Variants in SAMD9 observed in about 807,000 individuals in gnomAD.
SAMD9 encodes the protein sterile alpha motif domain-containing protein 9.
SAMD9 carries 3 observed loss-of-function variants against 1.5 expected under a neutral mutation model. The observed-to-expected ratio is 2.05, with a 90% CI of 0.93 to 5.29. The LOEUF (loss-of-function observed/expected upper bound fraction) is 5.29. SAMD9 is among the 30% of genes most tolerant of loss of function. The pLI is 0.02. For missense variants in SAMD9, 1,597 were observed against 1,820.8 expected, an observed-to-expected ratio of 0.88 and a Z score of 2.24; for synonymous variants, 635 against 631.9, an observed-to-expected ratio of 1.00 and a Z score of -0.07.
chr7:93,105,719 C>T lies in SAMD9; in HGVS notation c.379G>A (p.Ala127Thr). Residue 127 changes from alanine to threonine, a missense_variant, in exon 3 of 3, where the codon GCA becomes ACA. By Grantham distance (58) the Ala-to-Thr change is moderately conservative. Coordinates refer to ENST00000379958, the MANE Select transcript of SAMD9 (RefSeq NM_017654.4). ...GAACCTTTAGCAGTTGTACTCATTG[C>T]AGACGGATTAGCCATATCTGGGTTC... Reference protein sequence around the residue: ...KENPDMANPSAMSTTAKGSKS... With the variant: ...KENPDMANPSTMSTTAKGSKS... 6.2e-7 allele frequency: 1 copy of T among 1,614,090 alleles called. No homozygotes were observed. Among genetic ancestry groups the T allele is most frequent in the Non-Finnish European group, 8.5e-7 (1 of 1,179,992 alleles).
At chr7:93,114,096 A>G (rs1286029092) in intron 2 of SAMD9, among the ~76,000 whole-genome samples, 1 of 152,162 alleles carries the variant, frequency 6.6e-6, no homozygotes, top group Non-Finnish European at 1.5e-5. Flanking sequence ...TGGCACATAT[A>G]CACCATGGAA....
chr7:93,116,071 C>A (rs966450994), intron 1 of SAMD9, among the ~76,000 whole-genome samples: 4 of 152,066 alleles, frequency 2.6e-5, no homozygotes, highest in African/African-American at 9.7e-5. Context: ...TGCTAGCGTG[C>A]GCTGGCTCCT....
intron 2 of SAMD9, among the ~76,000 whole-genome samples, chr7:93,111,146 A>T (rs1242155640): frequency 6.6e-6 from 1 of 152,162 alleles, no homozygotes; most frequent in Non-Finnish European, 1.5e-5. Flanking sequence ...CTCAGGATTA[A>T]GAAACTCACT....
intron 1 of SAMD9, among the ~76,000 whole-genome samples, chr7:93,117,237 T>C (rs893393145): frequency 6.6e-6 from 1 of 151,032 alleles, no homozygotes; most frequent in Non-Finnish European, 1.5e-5. Flanking sequence ...TTTCATTGCC[T>C]GTTCTTTATC....
Position 93,102,582 on chromosome 7 carries a change from A to T in SAMD9, c.3516T>A (p.Asp1172Glu), listed in dbSNP as rs767945606. Residue 1172 changes from aspartate (D) to glutamate (E), a missense_variant, in exon 3 of 3, where the codon GAT (aspartate) becomes GAA (glutamate). This residue lies in a region of SAMD9 where 682 missense variants were observed against 810.0 expected (regional missense o/e 0.84). Transcript: ENST00000379958. ...AFKESQQQSE[D>E]REYEVKERLY... ...ATCTTTCCTTCACTTCATACTCTCT[A>T]TCTTCACTTTGCTGTTGAGATTCTT... 9.9e-6 allele frequency: 16 copies of T among 1,613,628 alleles called. No homozygotes were observed. Among genetic ancestry groups the T allele is most frequent in the African/African-American group, 1.3e-5 (1 of 74,884 alleles).
chr7:93,117,477 G>T (rs544152106), intron 1 of SAMD9, among the ~76,000 whole-genome samples: 1 of 152,054 alleles, frequency 6.6e-6, no homozygotes, highest in East Asian at 1.9e-4. Flanking sequence ...GCTAGGTAGG[G>T]TCTTGCTATG....
Position 93,102,906 on chromosome 7 carries a change from A to T in SAMD9, c.3192T>A (p.Asn1064Lys), listed in dbSNP as rs373641119. Residue 1064 changes from asparagine (N) to lysine (K), a missense_variant, in exon 3 of 3, where the codon AAT (asparagine) becomes AAA (lysine). Asn to Lys is a moderately conservative substitution (Grantham distance 94, BLOSUM62 0). Around this residue, in one of 6 missense-constraint regions of SAMD9, gnomAD observed 682 missense variants for 810.0 expected, o/e 0.84. Coordinates refer to ENST00000379958, the MANE Select transcript of SAMD9 (RefSeq NM_017654.4). ...CAAGCAATACAGCTTCAACTGCTTC[A>T]TTTCCTTCATCTTTATGTAATGCTT... The part of the protein sequence containing the change: ...FIEALHKDEG[N>K]EAVEAVLLES... 1 of 1,613,856 alleles carries T rather than the reference A, an allele frequency of 6.2e-7. No individual in the cohort carries two copies. Among genetic ancestry groups the T allele is most frequent in the Admixed American group, 1.7e-5 (1 of 59,976 alleles).
At position 93,103,044 on chromosome 7, in the gene SAMD9, G is replaced by A. The variant is rs1791564485; in HGVS notation, c.3054C>T (p.Phe1018=). Residue 1018 remains phenylalanine (F), a synonymous_variant, in exon 3 of 3, where the codon TTC becomes TTT. Transcript: ENST00000379958. ...MLDMLTENLF[F]DTGMGKSKFL... is the part of the protein sequence containing the mutation. ...ATTTACTTTTTCCCATACCAGTATC[G>A]AAGAACAAATTCTCAGTTAGCATAT... is the stretch of plus-strand genomic sequence containing the variant. 2.5e-6 allele frequency: 4 copies of A among 1,613,764 alleles called. No homozygotes were observed. The highest frequency in any genetic ancestry group is 1.1e-5 in the South Asian group (1 of 91,078).
At chr7:93,109,915 T>G (rs935509482) in intron 2 of SAMD9, among the ~76,000 whole-genome samples, 28 of 152,164 alleles carry the variant, frequency 1.8e-4, no homozygotes, top group Non-Finnish European at 4.4e-5. Flanking sequence ...TTCCCCAACC[T>G]AGCAAGGGAG....
Position 93,117,904 on chromosome 7 carries a change from A to C in SAMD9, c.-151T>G, listed in dbSNP as rs2116445713. 1 of 152,312 alleles carries C rather than the reference A, an allele frequency of 6.6e-6. No individual in the cohort carries two copies. Among genetic ancestry groups the C allele is most frequent in the East Asian group, 1.9e-4 (1 of 5,188 alleles). The allele number at this position is 152,312 out of a possible 1,614,324, so 9.4% of individuals were successfully genotyped here. A position where few individuals can be genotyped will look rare whatever the true frequency, so the allele number is the denominator to read the frequency against. On this transcript the variant is annotated 5_prime_UTR_variant, in exon 1 of 3. Coordinates refer to ENST00000379958, the MANE Select transcript of SAMD9 (RefSeq NM_017654.4). Reference sequence around the variant, plus strand: ...TTTCTTTTACATATATGTGGGGAAAACCATCTCTTTTAGTGCTGAAAATAT... The same window carrying C: ...TTTCTTTTACATATATGTGGGGAAACCCATCTCTTTTAGTGCTGAAAATAT...
At position 93,104,990 on chromosome 7, in the gene SAMD9, C is replaced by A; in HGVS notation, c.1108G>T (p.Ala370Ser). 1 of 1,613,376 alleles carries A rather than the reference C, an allele frequency of 6.2e-7. No individual in the cohort carries two copies. The highest frequency in any genetic ancestry group is 8.5e-7 in the Non-Finnish European group (1 of 1,179,886). Residue 370 changes from alanine to serine, a missense_variant, in exon 3 of 3, where the codon GCA becomes TCA. Coordinates refer to ENST00000379958, the MANE Select transcript of SAMD9 (RefSeq NM_017654.4). ...RAFKADFKTLAESRKAAEEKF... is the reference protein window; with the variant it reads ...RAFKADFKTLSESRKAAEEKF... Reference sequence around the variant, plus strand: ...TCTTCTGCTGCTTTTCTGGACTCTGCCAGTGTTTTAAAATCTGCTTTAAAT... The same window carrying A: ...TCTTCTGCTGCTTTTCTGGACTCTGACAGTGTTTTAAAATCTGCTTTAAAT...
At chr7:93,106,160 C>T (rs1791641735) in intron 2 of SAMD9, 55 bp from the exon 3 acceptor site, 7 of 1,204,958 alleles carry the variant, frequency 5.8e-6, no homozygotes, top group Non-Finnish European at 8.0e-6. Flanking sequence ...AATTTTGAAA[C>T]AATTTTAGTA....
chr7:93,110,311 T>C (rs1246397375), intron 2 of SAMD9, among the ~76,000 whole-genome samples: 1 of 152,102 alleles, frequency 6.6e-6, no homozygotes, highest in Non-Finnish European at 1.5e-5. Flanking sequence ...AAGGAAGCAC[T>C]AAACATGGAA....
intron 2 of SAMD9, among the ~76,000 whole-genome samples, chr7:93,108,380 A>G (rs754677845): frequency 6.6e-6 from 1 of 152,228 alleles, no homozygotes; most frequent in African/African-American, 2.4e-5. Flanking sequence ...TACAGATCCC[A>G]GTGTGAGAGA....
At chr7:93,113,475 C>A (rs939440423) in intron 2 of SAMD9, among the ~76,000 whole-genome samples, 8 of 152,278 alleles carry the variant, frequency 5.3e-5, no homozygotes, top group South Asian at 4.1e-4. Context: ...AACTAAAGCA[C>A]TTCTGCACAG....
intron 2 of SAMD9, among the ~76,000 whole-genome samples, chr7:93,109,998 A>T (rs148389839): frequency 6.6e-6 from 1 of 152,224 alleles, no homozygotes; most frequent in Non-Finnish European, 1.5e-5. Context: ...TCCAAGACAC[A>T]TAATTGTCAG....
At chr7:93,116,899 G>T (rs1584261869) in intron 1 of SAMD9, among the ~76,000 whole-genome samples, 3 of 152,352 alleles carry the variant, frequency 2.0e-5, no homozygotes, top group Admixed American at 2.0e-4. Context: ...TCTGGTTGGT[G>T]TTAAACTGTA....
At chr7:93,112,159 A>G (rs1424990404) in intron 2 of SAMD9, among the ~76,000 whole-genome samples, 4 of 152,228 alleles carry the variant, frequency 2.6e-5, no homozygotes, top group Non-Finnish European at 5.9e-5. Flanking sequence ...ACATACACAA[A>G]TCAATAAACG....
intron 1 of SAMD9, 139 bp from the exon 2 acceptor site, chr7:93,115,034 G>T (rs1300127950): frequency 6.6e-6 from 1 of 152,204 alleles, no homozygotes; most frequent in Non-Finnish European, 1.5e-5. Flanking sequence ...TTGATTTGGG[G>T]TTGGGTTTAA....
Sources: allele counts gnomAD v4.1 joint callset (sites outside exome capture counted in the v4.1 genomes callset), GRCh38; gene constraint gnomAD v4.1.1; regional missense constraint gnomAD v4.1.1; transcripts MANE v1.5; gene names NCBI Gene and HGNC (gene_info 2026-07-23, HGNC 2026-07-21).